The following FASTKD1 variants were observed in gnomAD, a reference collection of about 807,000 sequenced individuals.
FASTKD1 encodes the protein FAST kinase domains 1, also known as FAST kinase domain-containing protein 1, mitochondrial.
A neutral mutation model predicts 90.9 loss-of-function variants in FASTKD1; 94 were observed. The ratio of observed to expected loss-of-function variants is 1.03; its 90% CI spans 0.88 to 1.23. The LOEUF is 1.23. Ranked by LOEUF, FASTKD1 falls within the 50% of genes most tolerant of loss-of-function variation. FASTKD1 has a pLI of 0.00. For missense variants in FASTKD1, 945 were observed against 993.5 expected, an observed-to-expected ratio of 0.95 and a Z score of 0.66; for synonymous variants, 319 against 345.8, an observed-to-expected ratio of 0.92 and a Z score of 0.86.
intron 3 of FASTKD1, among the ~76,000 whole-genome samples, chr2:169,568,530 T>A (rs1684088798): frequency 6.8e-6 from 1 of 147,820 alleles, no homozygotes; most frequent in African/African-American, 2.5e-5. Flanking sequence ...TGGTGGCTCA[T>A]GCATATAAAC....
At position 169,546,551 on chromosome 2, in the gene FASTKD1, T is replaced by A; in HGVS notation, c.1368A>T (p.Thr456=). The change falls in exon 8 of 15, where the codon ACA becomes ACT. Residue 456 remains threonine, a synonymous_variant. Coordinates refer to ENST00000453153, the MANE Select transcript of FASTKD1 (RefSeq NM_024622.6). ...CDLNNLSSFA[T]SVLRWIQHDH... ...CATGCTGAATCCATCTTAAAACAGATGTGGCAAAACTACTCAGGTTATTTA... is the reference window on the plus strand; with the variant it reads ...CATGCTGAATCCATCTTAAAACAGAAGTGGCAAAACTACTCAGGTTATTTA... The A allele has an allele frequency of 1.2e-6, 2 of 1,614,176 alleles. No homozygotes were observed. Among genetic ancestry groups the A allele is most frequent in the Non-Finnish European group, 1.7e-6 (2 of 1,180,030 alleles).
intron 3 of FASTKD1, among the ~76,000 whole-genome samples, chr2:169,565,559 GCCA>G (rs1390554796): frequency 2.6e-5 from 4 of 152,170 alleles, no homozygotes; most frequent in Admixed American, 1.3e-4. Context: ...ACCGCGCCCA[GCCA>G]CCACATTTTC....
chr2:169,558,745 C>A (rs1683444384), intron 5 of FASTKD1, among the ~76,000 whole-genome samples: 1 of 151,424 alleles, frequency 6.6e-6, no homozygotes, highest in Non-Finnish European at 1.5e-5. Flanking sequence ...GCCACCACAC[C>A]CGGCCCTTTT....
intron 12 of FASTKD1, among the ~76,000 whole-genome samples, chr2:169,534,534 A>G (rs1028975839): frequency 1.8e-4 from 26 of 141,146 alleles, no homozygotes; most frequent in Non-Finnish European, 2.5e-4. Context: ...ATCCCGGCTC[A>G]CTGCAACCTC....
intron 11 of FASTKD1, among the ~76,000 whole-genome samples, chr2:169,537,674 C>T (rs923388315): frequency 6.6e-6 from 1 of 152,162 alleles, no homozygotes; most frequent in African/African-American, 2.4e-5. Context: ...GTGTGAGCCA[C>T]CGCGCCCGGA....
chr2:169,550,119 C>T (rs1185812460), intron 7 of FASTKD1, among the ~76,000 whole-genome samples: 2 of 152,030 alleles, frequency 1.3e-5, no homozygotes, highest in African/African-American at 2.4e-5. Context: ...GCCTCGGCTT[C>T]CCAAACATAG....
chr2:169,553,667 C>T (rs1685599023), intron 7 of FASTKD1, among the ~76,000 whole-genome samples: 1 of 152,136 alleles, frequency 6.6e-6, no homozygotes, highest in African/African-American at 2.4e-5. Flanking sequence ...CCTGTAATCC[C>T]GGCACTTTGG....
At position 169,571,969 on chromosome 2, in the gene FASTKD1, T is replaced by C. The variant is rs768254123; in HGVS notation, c.61A>G (p.Ile21Val). ...LVTNMLRLRA[I>V]CPFSWRVFQF... ...AACACTCTCCAGGAGAATGGACAAATAGCTCTTAGACGAAGCATATTTGTA... is the reference window on the plus strand; with the variant it reads ...AACACTCTCCAGGAGAATGGACAAACAGCTCTTAGACGAAGCATATTTGTA... The change falls in exon 2 of 15, where the codon ATT (isoleucine) becomes GTT (valine). Residue 21 changes from isoleucine (I) to valine (V), a missense_variant. Ile to Val is a conservative substitution (Grantham distance 29). Coordinates refer to ENST00000453153, the MANE Select transcript of FASTKD1 (RefSeq NM_024622.6). 6 of 1,613,608 alleles carry C rather than the reference T, an allele frequency of 3.7e-6. No individual in the cohort carries two copies. Among genetic ancestry groups the C allele is most frequent in the South Asian group, 3.3e-5 (3 of 90,914 alleles).
At chr2:169,568,482 T>C (rs990950068) in intron 3 of FASTKD1, among the ~76,000 whole-genome samples, 7 of 151,042 alleles carry the variant, frequency 4.6e-5, no homozygotes, top group Non-Finnish European at 1.0e-4. Flanking sequence ...AAATATGAAA[T>C]ACTTTCTTTT....
At chr2:169,568,204 A>G (rs1684068730) in intron 3 of FASTKD1, among the ~76,000 whole-genome samples, 1 of 152,216 alleles carries the variant, frequency 6.6e-6, no homozygotes, top group Non-Finnish European at 1.5e-5. Context: ...ATGGAGTAAC[A>G]GACAAGTAGC....
intron 2 of FASTKD1, 24 bp from the exon 3 acceptor site, chr2:169,569,276 CCATA>C: frequency 6.2e-7 from 1 of 1,601,462 alleles, no homozygotes. Context: ...AAAGAATCCT[CCATA>C]CATAATCATT....
chr2:169,528,745 T>G lies in FASTKD1; in HGVS notation c.*1080A>C, dbSNP rs761314459. On this transcript the variant is annotated 3_prime_UTR_variant, in exon 15 of 15. Coordinates refer to ENST00000453153, the MANE Select transcript of FASTKD1 (RefSeq NM_024622.6). ...TACTAATGATTTTCATGTTGCTAAATTTAATAGCCATTTCCCATTTGTCAT... is the reference window on the plus strand; with the variant it reads ...TACTAATGATTTTCATGTTGCTAAAGTTAATAGCCATTTCCCATTTGTCAT... Among the ~76,000 whole-genome samples, 5 of 152,186 alleles carry G rather than the reference T, an allele frequency of 3.3e-5. No homozygotes were observed. The highest frequency in any genetic ancestry group is 7.3e-5 in the Non-Finnish European group (5 of 68,042).
At position 169,538,080 on chromosome 2, in the gene FASTKD1, G is replaced by T; in HGVS notation, c.2007C>A (p.Val669=). Residue 669 remains valine (V), a synonymous_variant, in exon 11 of 15, where the codon GTC becomes GTA. Coordinates refer to ENST00000453153, the MANE Select transcript of FASTKD1 (RefSeq NM_024622.6). ...QFHLMELNRS[V]CLECPEFQIP... The stretch of plus-strand genomic sequence containing the variant: ...TCTGAAACTCAGGGCATTCCAAGCA[G>T]ACTGATCTATTTAACTCCATAAGAT... The T allele has an allele frequency of 6.2e-7, 1 of 1,612,296 alleles. No individual in the cohort carries two copies. Among genetic ancestry groups the T allele is most frequent in the South Asian group, 1.1e-5 (1 of 90,748 alleles).
chr2:169,529,748 AT>A lies in FASTKD1; in HGVS notation c.*76del. On this transcript the variant is annotated 3_prime_UTR_variant, in exon 15 of 15. Transcript: ENST00000453153. Reference sequence around the variant, plus strand: ...TTCCCACCTTAGGACATTTGTACCTATTTTTTAATTGAGACAGGCCACTTTA... The same window carrying A: ...TTCCCACCTTAGGACATTTGTACCTATTTTTAATTGAGACAGGCCACTTTA... 1.0e-6 allele frequency: 1 copy of A among 963,670 alleles called. No individual in the cohort carries two copies. Among genetic ancestry groups the A allele is most frequent in the Non-Finnish European group, 1.6e-6 (1 of 633,942 alleles). 59.7% of individuals were successfully genotyped at this position (963,670 alleles called of 1,614,324 possible).
chr2:169,559,425 TTTTTTTCTTTTA>T (rs1238484445), intron 5 of FASTKD1, among the ~76,000 whole-genome samples: 12 of 152,258 alleles, frequency 7.9e-5, no homozygotes, highest in Non-Finnish European at 1.6e-4. Context: ...AAAATTCTTA[TTTTTTTCTTTTA>T]TTTTTTCTTT....
At position 169,560,578 on chromosome 2, in the gene FASTKD1, C is replaced by T. The variant is rs753917863; in HGVS notation, c.780G>A (p.Val260=). The T allele has an allele frequency of 2.5e-6, 4 of 1,605,990 alleles. No individual in the cohort carries two copies. The South Asian group carries it at 3.4e-5, about 14-fold the overall frequency. Residue 260 remains valine (V), a synonymous_variant, in exon 5 of 15, where the codon GTG becomes GTA. Coordinates refer to ENST00000453153, the MANE Select transcript of FASTKD1 (RefSeq NM_024622.6). ...TGATGGAATCCAAATCAAGGTGGTCCACATTACTTAAAAATACGTTATTAC... is the reference window on the plus strand; with the variant it reads ...TGATGGAATCCAAATCAAGGTGGTCTACATTACTTAAAAATACGTTATTAC... ...ERCNNVFLSN[V]DHLDLDSISK...
Position 169,555,176 on chromosome 2 carries a change from GA to G in FASTKD1, c.1161del (p.Leu388CysfsTer20). On this transcript the variant is annotated frameshift_variant, in exon 7 of 15. Coordinates refer to ENST00000453153, the MANE Select transcript of FASTKD1 (RefSeq NM_024622.6). LOFTEE classifies it high-confidence loss of function. ...AAAAACTCCTTCCTTTGGAAATGCA[GA>G]AAAGTTAATTCTTGAGTTATCTTCA... Reference protein sequence around the residue: ...ELLKITQELTFLHFQRKEFFA... With the variant: ...ELLKITQELTXLHFQRKEFFA... 6.2e-7 allele frequency: 1 copy of G among 1,612,850 alleles called. No individual in the cohort carries two copies. Among genetic ancestry groups the G allele is most frequent in the South Asian group, 1.1e-5 (1 of 91,002 alleles).
At position 169,560,335 on chromosome 2, in the gene FASTKD1, A is replaced by G. The variant is rs987789055; in HGVS notation, c.971+52T>C. ...GAGCTGCAAGGAGACCTAAGCTTGA[A>G]GGCTCCACGTATTCACAACAAAAAA... On this transcript the variant is annotated intron_variant, in intron 5 of 14. Transcript: ENST00000453153. 5 of 1,428,010 alleles carry G rather than the reference A, an allele frequency of 3.5e-6. No homozygotes were observed. In the East Asian group the frequency reaches 1.2e-4, roughly 34 times the overall value. The allele number at this position is 1,428,010 out of a possible 1,614,324, so 88.5% of individuals were successfully genotyped here. A position where few individuals can be genotyped will look rare whatever the true frequency, so the allele number is the denominator to read the frequency against.
intron 9 of FASTKD1, among the ~76,000 whole-genome samples, chr2:169,543,917 G>A (rs1252431065): frequency 6.6e-6 from 1 of 152,108 alleles, no homozygotes; most frequent in Admixed American, 6.5e-5. Flanking sequence ...GTGAATACTG[G>A]GTGCAAAACA....
Sources: allele counts gnomAD v4.1 joint callset (sites outside exome capture counted in the v4.1 genomes callset), GRCh38; gene constraint gnomAD v4.1.1; transcripts MANE v1.5; gene names NCBI Gene and HGNC (gene_info 2026-07-23, HGNC 2026-07-21).